Variants in BCAT1 observed in about 807,000 individuals in gnomAD.
BCAT1 encodes branched chain amino acid transaminase 1, also known as branched-chain-amino-acid aminotransferase, cytosolic.
BCAT1 carries 48 observed loss-of-function variants against 52.4 expected under a neutral mutation model. The ratio of observed to expected loss-of-function variants is 0.92; its 90% CI spans 0.73 to 1.16. The LOEUF (loss-of-function observed/expected upper bound fraction) is 1.16, where lower values mean the gene tolerates loss of function less well. Among genes scored for constraint, BCAT1 ranks in the 50% most tolerant of loss-of-function variants. The probability of loss-of-function intolerance (pLI) is 0.00; values close to 1 mark genes in which losing one functional copy is unlikely to be tolerated. For missense variants in BCAT1, 451 were observed against 457.1 expected (o/e 0.99, Z 0.12); for synonymous variants, 167 against 161.3 (o/e 1.04, Z -0.27).
In BCAT1 at chr12:24,812,556, G is replaced by C. The variant is rs1004452578; in HGVS notation, c.*5452C>G. The C allele has an allele frequency of 8.5e-5, 13 of 152,116 alleles. No individual in the cohort carries two copies. Among genetic ancestry groups the C allele is most frequent in the African/African-American group, 3.1e-4 (13 of 41,542 alleles). 9.4% of individuals were successfully genotyped at this position (152,116 alleles called of 1,614,324 possible). A position where few individuals can be genotyped will look rare whatever the true frequency, so the allele number is the denominator to read the frequency against. On this transcript the variant is annotated 3_prime_UTR_variant, in exon 11 of 11. Coordinates refer to ENST00000261192, the MANE Select transcript of BCAT1 (RefSeq NM_005504.7). Reference sequence around the variant, plus strand: ...AATTCTAATATCTGATGAAGTGTTTGCTATATTTAGTCACTACCTAGTAGC... The same window carrying C: ...AATTCTAATATCTGATGAAGTGTTTCCTATATTTAGTCACTACCTAGTAGC...
intron 3 of BCAT1, among the ~76,000 whole-genome samples, chr12:24,881,902 G>A (rs540371492): frequency 4.6e-4 from 70 of 152,234 alleles, no homozygotes; most frequent in African/African-American, 1.5e-3. Flanking sequence ...ACAGAAACCA[G>A]GCAGCTCAAG....
chr12:24,813,337 A>G lies in BCAT1; in HGVS notation c.*4671T>C, dbSNP rs2139283844. The G allele has an allele frequency of 6.6e-6, 1 of 152,198 alleles. No homozygotes were observed. The highest frequency in any genetic ancestry group is 2.4e-5 in the African/African-American group (1 of 41,576). 9.4% of individuals were successfully genotyped at this position (152,198 alleles called of 1,614,324 possible). A position where few individuals can be genotyped will look rare whatever the true frequency, so the allele number is the denominator to read the frequency against. The stretch of plus-strand genomic sequence containing the variant: ...TGATAAAAAATTTATCTCTTTCCAC[A>G]CATTTAAGACCTCATACTGTGCAAA... On this transcript the variant is annotated 3_prime_UTR_variant, in exon 11 of 11. Coordinates refer to ENST00000261192, the MANE Select transcript of BCAT1 (RefSeq NM_005504.7).
intron 10 of BCAT1, among the ~76,000 whole-genome samples, chr12:24,824,491 G>A (rs1441967394): frequency 1.3e-5 from 2 of 151,992 alleles, no homozygotes; most frequent in African/African-American, 4.8e-5. Context: ...GTGGAGACTG[G>A]GTCTTACTAT....
intron 7 of BCAT1, among the ~76,000 whole-genome samples, chr12:24,838,199 T>C (rs1941062219): frequency 6.6e-6 from 1 of 152,194 alleles, no homozygotes; most frequent in Admixed American, 6.5e-5. Context: ...AAACTCTATC[T>C]TCATCCTTCT....
intron 8 of BCAT1, chr12:24,834,303 G>A (rs1354897367): frequency 9.1e-6 from 9 of 985,054 alleles, no homozygotes; most frequent in African/African-American, 1.7e-5. Flanking sequence ...TTCTCTTTCA[G>A]TATCACATTC....
intron 5 of BCAT1, among the ~76,000 whole-genome samples, chr12:24,859,885 T>C (rs1941804934): frequency 1.3e-5 from 2 of 152,220 alleles, no homozygotes; most frequent in Admixed American, 1.3e-4. Context: ...GGAAGCACTG[T>C]CAAATATGAA....
At chr12:24,913,669 C>T (rs770427328) in intron 1 of BCAT1, among the ~76,000 whole-genome samples, 6 of 152,162 alleles carry the variant, frequency 3.9e-5, no homozygotes, top group South Asian at 2.1e-4. Flanking sequence ...TGGAGAGCCA[C>T]GTAGAAATAT....
chr12:24,829,690 C>A, intron 10 of BCAT1, 133 bp downstream of exon 10: 1 of 746,024 alleles, frequency 1.3e-6, no homozygotes, highest in South Asian at 2.1e-5. Context: ...TTAAATTTAA[C>A]TTATTGATCT....
At chr12:24,901,110 G>A (rs769428983) in intron 2 of BCAT1, among the ~76,000 whole-genome samples, 4 of 152,200 alleles carry the variant, frequency 2.6e-5, no homozygotes, top group Non-Finnish European at 2.9e-5. Flanking sequence ...CTGTGAGAGA[G>A]CTCAATGTGT....
At chr12:24,887,061 T>TAAAAAAAAAAAAAAAA (rs1171691492) in intron 3 of BCAT1, among the ~76,000 whole-genome samples, 1 of 7,590 alleles carries the variant, frequency 1.3e-4, no homozygotes, top group African/African-American at 6.4e-4. Flanking sequence ...AGATGCTAGC[T>TAAAAAAAAAAAAAAAA]AAAAAAAAAA....
At chr12:24,861,710 A>G (rs1279672709) in intron 5 of BCAT1, among the ~76,000 whole-genome samples, 1 of 152,232 alleles carries the variant, frequency 6.6e-6, no homozygotes, top group Non-Finnish European at 1.5e-5. Flanking sequence ...GAGCAACTCC[A>G]TCTTGAATAG....
At position 24,814,632 on chromosome 12, in the gene BCAT1, A is replaced by G. The variant is rs1383724193; in HGVS notation, c.*3376T>C. The G allele has an allele frequency of 6.6e-6, 1 of 152,112 alleles. No individual in the cohort carries two copies. The highest frequency in any genetic ancestry group is 2.4e-5 in the African/African-American group (1 of 41,446). 9.4% of individuals were successfully genotyped at this position (152,112 alleles called of 1,614,324 possible). A position where few individuals can be genotyped will look rare whatever the true frequency, so the allele number is the denominator to read the frequency against. ...ACTGCTTGGATTTGAGGCAAGCAAG[A>G]CCACTTGCTTAGGTAAATTTTATGA... On this transcript the variant is annotated 3_prime_UTR_variant, in exon 11 of 11. Transcript: ENST00000261192.
intron 5 of BCAT1, among the ~76,000 whole-genome samples, chr12:24,856,650 G>A (rs1025727549): frequency 3.9e-5 from 6 of 152,148 alleles, no homozygotes; most frequent in Admixed American, 6.5e-5. Flanking sequence ...CAGCTTTACA[G>A]GCACCCTCAT....
At chr12:24,883,093 C>T (rs1942547601) in intron 3 of BCAT1, among the ~76,000 whole-genome samples, 1 of 151,876 alleles carries the variant, frequency 6.6e-6, no homozygotes, top group East Asian at 2.0e-4. Flanking sequence ...TCGAGACCAG[C>T]CTGGACAACA....
chr12:24,829,749 G>T, intron 10 of BCAT1, 74 bp downstream of exon 10: 2 of 1,199,938 alleles, frequency 1.7e-6, no homozygotes, highest in Non-Finnish European at 2.3e-6. Context: ...TTAGTTGTAA[G>T]CTCTGACAGA....
At chr12:24,833,624 C>G (rs1419120431) in intron 8 of BCAT1, among the ~76,000 whole-genome samples, 1 of 152,122 alleles carries the variant, frequency 6.6e-6, no homozygotes, top group African/African-American at 2.4e-5. Context: ...ATTTATCAAG[C>G]ACCCGCTATT....
Position 24,816,307 on chromosome 12 carries a change from T to C in BCAT1, c.*1701A>G, listed in dbSNP as rs772482765. Reference sequence around the variant, plus strand: ...TTATTTTCCTTCTCTGAAAAGAGAATAAAATATGTTCAGCAAGAAGGAAGT... The same window carrying C: ...TTATTTTCCTTCTCTGAAAAGAGAACAAAATATGTTCAGCAAGAAGGAAGT... On this transcript the variant is annotated 3_prime_UTR_variant, in exon 11 of 11. Transcript: ENST00000261192. 1.4e-4 allele frequency: 53 copies of C among 390,824 alleles called. No individual in the cohort carries two copies. The highest frequency in any genetic ancestry group is 2.2e-4 in the Admixed American group (5 of 22,458). 24.2% of individuals were successfully genotyped at this position (390,824 alleles called of 1,614,324 possible).
intron 1 of BCAT1, among the ~76,000 whole-genome samples, chr12:24,913,062 GT>G (rs1943355691): frequency 6.6e-6 from 1 of 152,100 alleles, no homozygotes; most frequent in Non-Finnish European, 1.5e-5. Flanking sequence ...GTTTTGTTTT[GT>G]TTGTTTTTTT....
chr12:24,900,679 G>C (rs117624319), intron 2 of BCAT1, among the ~76,000 whole-genome samples: 1 of 152,100 alleles, frequency 6.6e-6, no homozygotes, highest in East Asian at 1.9e-4. Flanking sequence ...GGTGGCTCAC[G>C]CCTGCAATCC....
Sources: gnomAD v4.1 joint callset for allele counts (sites outside exome capture counted in the v4.1 genomes callset) on GRCh38, gnomAD v4.1.1 for gene constraint, MANE v1.5 for transcripts, NCBI Gene and HGNC (gene_info 2026-07-23, HGNC 2026-07-21) for gene names.